The following PDIA5 variants were observed in gnomAD, a reference collection of about 807,000 sequenced individuals.
PDIA5 encodes the protein protein disulfide-isomerase A5.
Under a neutral mutation model 77.6 loss-of-function variants are expected in PDIA5, and 58 were observed. The observed-to-expected ratio is 0.75, with a 90% CI of 0.61 to 0.93. The LOEUF (loss-of-function observed/expected upper bound fraction) is 0.93. Among genes scored for constraint, PDIA5 ranks in the 40% least tolerant of loss-of-function variants. The probability of loss-of-function intolerance (pLI) is 0.00; values close to 1 mark genes in which losing one functional copy is unlikely to be tolerated. For missense variants in PDIA5, 630 were observed against 647.7 expected (o/e 0.97, Z 0.30); for synonymous variants, 250 against 252.1 (o/e 0.99, Z 0.08).
intron 15 of PDIA5, among the ~76,000 whole-genome samples, chr3:123,157,610 C>T (rs1936049818): frequency 6.6e-6 from 1 of 152,196 alleles, no homozygotes; most frequent in Non-Finnish European, 1.5e-5. Flanking sequence ...GTTCCTATCC[C>T]AATCAATATG....
chr3:123,140,391 C>G (rs564135410), intron 11 of PDIA5, among the ~76,000 whole-genome samples: 1 of 152,238 alleles, frequency 6.6e-6, no homozygotes, highest in Admixed American at 6.5e-5. Flanking sequence ...AAATATACCC[C>G]GGCTGCCCTT....
chr3:123,075,153 T>G (rs1219867651), intron 1 of PDIA5, among the ~76,000 whole-genome samples: 3 of 152,230 alleles, frequency 2.0e-5, no homozygotes, highest in Non-Finnish European at 4.4e-5. Flanking sequence ...AAGTAAAACT[T>G]TGAAATATGC....
intron 11 of PDIA5, among the ~76,000 whole-genome samples, chr3:123,134,758 C>T (rs1483278738): frequency 6.6e-6 from 1 of 152,230 alleles, no homozygotes; most frequent in East Asian, 1.9e-4. Context: ...TATGGGCGAT[C>T]TCTATTCTGC....
intron 1 of PDIA5, among the ~76,000 whole-genome samples, chr3:123,080,160 G>T (rs768422465): frequency 3.2e-4 from 48 of 151,664 alleles, no homozygotes; most frequent in Non-Finnish European, 6.0e-4. Flanking sequence ...GTGTGTGTGG[G>T]GGGGATTTAA....
intron 14 of PDIA5, among the ~76,000 whole-genome samples, chr3:123,152,115 T>TCCTG (rs1935927995): frequency 3.2e-5 from 4 of 124,910 alleles, no homozygotes; most frequent in African/African-American, 1.0e-4. Flanking sequence ...CTTCCTTCCT[T>TCCTG]CCTTCCTTCC....
At chr3:123,151,094 G>A (rs755541615) in intron 14 of PDIA5, among the ~76,000 whole-genome samples, 9 of 152,190 alleles carry the variant, frequency 5.9e-5, no homozygotes, top group Non-Finnish European at 7.3e-5. Flanking sequence ...AGTTGTAGCT[G>A]GCCCTCCTGT....
chr3:123,081,159 G>T (rs1350229030), intron 1 of PDIA5, among the ~76,000 whole-genome samples: 4 of 152,144 alleles, frequency 2.6e-5, no homozygotes, highest in African/African-American at 9.7e-5. Flanking sequence ...GAAACTCAAT[G>T]GTTTCTTCAC....
At chr3:123,067,232 G>GC in intron 1 of PDIA5, 26 bp downstream of exon 1, 1 of 1,242,848 alleles carries the variant, frequency 8.0e-7, no homozygotes, top group Non-Finnish European at 1.0e-6. Flanking sequence ...AGGGATCCGG[G>GC]CCGGGCCAGC....
chr3:123,073,766 C>T (rs777730129), intron 1 of PDIA5, among the ~76,000 whole-genome samples: 14 of 152,176 alleles, frequency 9.2e-5, no homozygotes, highest in African/African-American at 9.7e-5. Context: ...GTTGCGGGGG[C>T]GCAAGGGTGG....
intron 10 of PDIA5, 108 bp from the exon 11 acceptor site, chr3:123,130,372 T>A: frequency 1.6e-6 from 2 of 1,224,414 alleles, no homozygotes; most frequent in Non-Finnish European, 2.3e-6. Flanking sequence ...GCCCCTGGAG[T>A]GGGCCGTCCC....
chr3:123,080,459 A>G (rs1933971043), intron 1 of PDIA5, among the ~76,000 whole-genome samples: 1 of 152,152 alleles, frequency 6.6e-6, no homozygotes, highest in Non-Finnish European at 1.5e-5. Flanking sequence ...TTACCAGAAA[A>G]GGGCTGAGGT....
At chr3:123,147,849 T>A (rs1443403282) in intron 13 of PDIA5, among the ~76,000 whole-genome samples, 1 of 152,264 alleles carries the variant, frequency 6.6e-6, no homozygotes, top group African/African-American at 2.4e-5. Flanking sequence ...TGGAAAGGAC[T>A]GGGTGGGGCG....
intron 2 of PDIA5, among the ~76,000 whole-genome samples, chr3:123,089,532 C>T (rs979018244): frequency 1.2e-4 from 19 of 152,220 alleles, no homozygotes; most frequent in African/African-American, 4.3e-4. Flanking sequence ...TGGGAAAGTC[C>T]TCTGGAGCCC....
intron 8 of PDIA5, 28 bp downstream of exon 8, chr3:123,116,326 G>T (rs1183885561): frequency 6.3e-7 from 1 of 1,597,138 alleles, no homozygotes; most frequent in South Asian, 1.1e-5. Flanking sequence ...GCCTGGCAGG[G>T]CTGGGTCACT....
intron 1 of PDIA5, chr3:123,067,529 C>T (rs1247976494): frequency 9.0e-6 from 3 of 331,496 alleles, no homozygotes; most frequent in African/African-American, 2.1e-5. Context: ...AGGACGCCGG[C>T]GGGCTGCGGG....
chr3:123,096,699 G>C (rs114381644), intron 3 of PDIA5, among the ~76,000 whole-genome samples: 1 of 152,160 alleles, frequency 6.6e-6, no homozygotes, highest in Non-Finnish European at 1.5e-5. Flanking sequence ...TCTGACTTCT[G>C]TCTAGGGTTT....
chr3:123,143,488 C>T (rs1182003342), intron 11 of PDIA5, among the ~76,000 whole-genome samples: 3 of 151,918 alleles, frequency 2.0e-5, no homozygotes, highest in Non-Finnish European at 2.9e-5. Flanking sequence ...AAGCAGCTGC[C>T]GGCTCCCCTG....
intron 14 of PDIA5, among the ~76,000 whole-genome samples, chr3:123,154,722 C>T (rs191540672): frequency 1.6e-4 from 24 of 152,200 alleles, no homozygotes; most frequent in Admixed American, 1.4e-3. Context: ...CAGTGACCAT[C>T]GCCCCCCAGC....
intron 12 of PDIA5, 52 bp downstream of exon 12, chr3:123,145,644 A>T: frequency 6.8e-7 from 1 of 1,468,562 alleles, no homozygotes; most frequent in Non-Finnish European, 9.5e-7. Flanking sequence ...AATCACTGAC[A>T]GGTGGAATCA....
Sources: gnomAD v4.1 joint callset for allele counts (sites outside exome capture counted in the v4.1 genomes callset) on GRCh38, gnomAD v4.1.1 for gene constraint, MANE v1.5 for transcripts, NCBI Gene and HGNC (gene_info 2026-07-23, HGNC 2026-07-21) for gene names.